UNC79: variants seen among roughly 807,000 people sequenced by gnomAD.
UNC79 encodes the protein protein unc-79 homolog.
In UNC79, 37 loss-of-function variants were observed where a neutral mutation model predicts 283.1. That is an observed-to-expected ratio of 0.13 (90% confidence interval 0.10 to 0.17). The LOEUF (loss-of-function observed/expected upper bound fraction) is 0.17. Ranked by LOEUF, UNC79 falls within the 10% of genes least tolerant of loss-of-function variation. UNC79 has a pLI of 1.00. For missense variants in UNC79, 2,272 were observed against 3,211.1 expected (o/e 0.71, Z 7.07); for synonymous variants, 1,107 against 1,200.2 (o/e 0.92, Z 1.61).
chr14:93,432,099 TAATTCTTCTTTGG>T (rs1346238786), intron 1 of UNC79, among the ~76,000 whole-genome samples: 1 of 152,270 alleles, frequency 6.6e-6, no homozygotes, highest in African/African-American at 2.4e-5. Flanking sequence ...AAAGTCTTTG[TAATTCTTCTTTGG>T]AATGGCTACT....
At chr14:93,691,709 C>A in intron 45 of UNC79, 40 bp from the exon 49 acceptor site, 1 of 1,608,862 alleles carries the variant, frequency 6.2e-7, no homozygotes, top group Non-Finnish European at 8.5e-7. Context: ...CCACAGCCTG[C>A]TGGGATGCAA....
chr14:93,390,004 A>C (rs1264483687), intron 1 of UNC79, among the ~76,000 whole-genome samples: 1 of 152,230 alleles, frequency 6.6e-6, no homozygotes, highest in Non-Finnish European at 1.5e-5. Flanking sequence ...CTAGCCATAG[A>C]TGTTATGAGA....
At chr14:93,635,103 G>T (rs960714927) in intron 31 of UNC79, among the ~76,000 whole-genome samples, 3 of 152,162 alleles carry the variant, frequency 2.0e-5, no homozygotes, top group African/African-American at 7.2e-5. Flanking sequence ...GTTTTAGCCA[G>T]CAGGGTCACC....
chr14:93,597,485 C>T (rs1396194327), exon 24 of UNC79: 1 of 1,614,080 alleles, frequency 6.2e-7, no homozygotes, highest in Non-Finnish European at 8.5e-7. Context: ...GTCAACCCCG[C>T]AGTGGCTACC....
At chr14:93,659,308 T>A (rs781517952) in intron 39 of UNC79, 47 bp downstream of exon 42, 1 of 1,481,120 alleles carries the variant, frequency 6.8e-7, no homozygotes, top group Non-Finnish European at 9.3e-7. Context: ...GTCAGTTTTT[T>A]TTAACCTAAT....
At chr14:93,542,477 C>T (rs772470215) in exon 14 of UNC79, 4 of 1,613,692 alleles carry the variant, frequency 2.5e-6, no homozygotes, top group Admixed American at 3.3e-5. Context: ...TGAGCCTCTG[C>T]ACACCCAGTG....
chr14:93,560,212 G>A (rs928678565), intron 14 of UNC79, among the ~76,000 whole-genome samples: 4 of 152,190 alleles, frequency 2.6e-5, no homozygotes, highest in East Asian at 1.9e-4. Flanking sequence ...CAATTAGAGA[G>A]TGCCCAAGGG....
At chr14:93,653,049 C>G (rs977081808) in intron 35 of UNC79, among the ~76,000 whole-genome samples, 5 of 152,070 alleles carry the variant, frequency 3.3e-5, no homozygotes, top group African/African-American at 4.8e-5. Flanking sequence ...GTAAGCAGTA[C>G]TTCTTACTCT....
At chr14:93,589,641 C>G (rs969758969) in intron 22 of UNC79, among the ~76,000 whole-genome samples, 8 of 152,014 alleles carry the variant, frequency 5.3e-5, no homozygotes, top group African/African-American at 1.9e-4. Flanking sequence ...GGACCCTGTG[C>G]ATCAATGTCA....
At chr14:93,596,437 C>A (rs1223225929) in intron 23 of UNC79, among the ~76,000 whole-genome samples, 1 of 152,156 alleles carries the variant, frequency 6.6e-6, no homozygotes, top group African/African-American at 2.4e-5. Context: ...GAGTTCGAGA[C>A]CAGCCTGGCC....
chr14:93,388,277 A>T (rs183185497), intron 1 of UNC79, among the ~76,000 whole-genome samples: 2 of 152,240 alleles, frequency 1.3e-5, no homozygotes, highest in African/African-American at 4.8e-5. Flanking sequence ...ACACCCGACT[A>T]TAAAAGTTAA....
At chr14:93,630,764 C>T (rs1295530860) in intron 30 of UNC79, 37 bp from the exon 33 acceptor site, 1 of 1,563,636 alleles carries the variant, frequency 6.4e-7, no homozygotes, top group Non-Finnish European at 8.8e-7. Flanking sequence ...TGCTTTTAAT[C>T]AGTGTCCTGA....
intron 1 of UNC79, among the ~76,000 whole-genome samples, chr14:93,386,950 T>C: frequency 7.6e-6 from 1 of 130,854 alleles, no homozygotes; most frequent in African/African-American, 2.9e-5. Flanking sequence ...TTTTTTTTTT[T>C]TTTTTTTTTG....
chr14:93,589,377 A>T (rs1160437938), intron 22 of UNC79, among the ~76,000 whole-genome samples: 1 of 152,014 alleles, frequency 6.6e-6, no homozygotes, highest in Non-Finnish European at 1.5e-5. Context: ...AGAAAAATTG[A>T]TATTTGGGAG....
At chr14:93,432,168 G>A (rs2055907224) in intron 1 of UNC79, among the ~76,000 whole-genome samples, 1 of 152,090 alleles carries the variant, frequency 6.6e-6, no homozygotes, top group Non-Finnish European at 1.5e-5. Context: ...CATTATTTGA[G>A]GGCAATATCT....
intron 4 of UNC79, among the ~76,000 whole-genome samples, chr14:93,484,544 G>T (rs970467261): frequency 2.5e-4 from 38 of 152,222 alleles, no homozygotes; most frequent in African/African-American, 8.4e-4. Flanking sequence ...TCATGGTAAT[G>T]ATTGTTCTGG....
chr14:93,618,062 A>G lies in UNC79; in HGVS notation c.4225-130A>G. 9.5e-6 allele frequency: 9 copies of G among 946,672 alleles called. No homozygotes were observed. The South Asian group carries it at 1.9e-4, about 20-fold the overall frequency. The allele number at this position is 946,672 out of a possible 1,614,324, so 58.6% of individuals were successfully genotyped here. A position where few individuals can be genotyped will look rare whatever the true frequency, so the allele number is the denominator to read the frequency against. The stretch of plus-strand genomic sequence containing the variant: ...AAGGCCATGAGCAGAATTTGTTTCT[A>G]CTTCTCTCTCTCTCTCATATATATA... On this transcript the variant is annotated intron_variant, in intron 28 of 48. Transcript: ENST00000555664.
intron 1 of UNC79, among the ~76,000 whole-genome samples, chr14:93,438,449 T>G (rs1306745987): frequency 6.6e-6 from 1 of 152,180 alleles, no homozygotes; most frequent in Non-Finnish European, 1.5e-5. Context: ...TTTGATGCCC[T>G]GTCTAGATCT....
At chr14:93,510,805 C>T (rs1262428821) in intron 7 of UNC79, among the ~76,000 whole-genome samples, 4 of 152,188 alleles carry the variant, frequency 2.6e-5, no homozygotes, top group African/African-American at 9.7e-5. Flanking sequence ...TCTTCTGAGC[C>T]TTCCCAACTG....
Sources: gnomAD v4.1 joint callset for allele counts (sites outside exome capture counted in the v4.1 genomes callset) on GRCh38, gnomAD v4.1.1 for gene constraint, MANE v1.5 for transcripts, NCBI Gene and HGNC (gene_info 2026-07-23, HGNC 2026-07-21) for gene names.